CATSPERB: variants seen among roughly 807,000 people sequenced by gnomAD.
CATSPERB encodes cation channel sperm-associated auxiliary subunit beta.
A neutral mutation model predicts 128.3 loss-of-function variants in CATSPERB; 93 were observed. The observed-to-expected ratio is 0.72, with a 90% CI of 0.61 to 0.86. The LOEUF (loss-of-function observed/expected upper bound fraction) is 0.86. Ranked by LOEUF, CATSPERB falls within the 40% of genes least tolerant of loss-of-function variation. The probability of loss-of-function intolerance (pLI) is 0.00; values close to 1 mark genes in which losing one functional copy is unlikely to be tolerated. For synonymous variants in CATSPERB, 381 were observed against 448.8 expected, an observed-to-expected ratio of 0.85 and a Z score of 1.91; for missense variants, 1,153 against 1,329.5, an observed-to-expected ratio of 0.87 and a Z score of 2.06.
chr14:91,586,703 A>C (rs936004753), intron 26 of CATSPERB, among the ~76,000 whole-genome samples: 7 of 152,228 alleles, frequency 4.6e-5, no homozygotes, highest in African/African-American at 1.7e-4. Flanking sequence ...TATATGAATA[A>C]GCAAAAATGA....
Position 91,626,359 on chromosome 14 carries a change from C to CTTTTT in CATSPERB, c.1743-1357_1743-1353dup, listed in dbSNP as rs71120179. Among the ~76,000 whole-genome samples, 32 of 76,862 alleles carry CTTTTT rather than the reference C, an allele frequency of 4.2e-4. 1 individual carries two copies. The highest frequency in any genetic ancestry group is 1.4e-3 in the East Asian group (3 of 2,124). The allele number at this position is 76,862 out of a possible 152,430, so 50.4% of individuals were successfully genotyped here. A position where few individuals can be genotyped will look rare whatever the true frequency, so the allele number is the denominator to read the frequency against. ...AATGCAAGAGTGTTGAGAGGTGGGA[C>CTTTTT]TTTTTTTTTTTTTTTTTTTTTTTTG... On this transcript the variant is annotated intron_variant, in intron 17 of 26. Transcript: ENST00000256343.
chr14:91,653,018 G>A (rs1296523281), intron 15 of CATSPERB, among the ~76,000 whole-genome samples: 2 of 152,154 alleles, frequency 1.3e-5, no homozygotes, highest in South Asian at 2.1e-4. Flanking sequence ...AACAAGGAAG[G>A]ACCAATAGAG....
intron 9 of CATSPERB, among the ~76,000 whole-genome samples, chr14:91,692,597 C>T (rs1895491333): frequency 6.6e-6 from 1 of 152,074 alleles, no homozygotes; most frequent in South Asian, 2.1e-4. Context: ...TCTTTACTTC[C>T]CTCTATCTTT....
At chr14:91,611,649 A>G (rs1422080109) in intron 20 of CATSPERB, among the ~76,000 whole-genome samples, 1 of 152,024 alleles carries the variant, frequency 6.6e-6, no homozygotes, top group Non-Finnish European at 1.5e-5. Flanking sequence ...CAAAAACAAA[A>G]CCAAAAACAA....
At chr14:91,711,321 T>G (rs951992563) in intron 5 of CATSPERB, among the ~76,000 whole-genome samples, 14 of 152,138 alleles carry the variant, frequency 9.2e-5, no homozygotes, top group Non-Finnish European at 2.1e-4. Context: ...ACCCCCACTT[T>G]CTGGGTTCAA....
intron 23 of CATSPERB, 47 bp downstream of exon 23, chr14:91,591,845 G>A (rs750065675): frequency 1.6e-6 from 2 of 1,283,924 alleles, no homozygotes; most frequent in Non-Finnish European, 1.1e-6. Context: ...TCAAAATCTT[G>A]TTAATAAGAA....
intron 22 of CATSPERB, among the ~76,000 whole-genome samples, chr14:91,607,945 T>C (rs1566701506): frequency 6.6e-6 from 1 of 152,140 alleles, no homozygotes; most frequent in Non-Finnish European, 1.5e-5. Context: ...TGTGCCTGCA[T>C]TGGAGCAGGC....
chr14:91,694,255 G>A (rs1895519815), intron 7 of CATSPERB, among the ~76,000 whole-genome samples: 1 of 151,656 alleles, frequency 6.6e-6, no homozygotes, highest in African/African-American at 2.4e-5. Context: ...GACCAGCCTG[G>A]GCAACATGGT....
chr14:91,588,153 C>A (rs543200441), intron 24 of CATSPERB, 75 bp from the exon 25 acceptor site: 1 of 857,882 alleles, frequency 1.2e-6, no homozygotes, highest in East Asian at 2.7e-5. Context: ...AAAGTAATTG[C>A]TGTTTTTGCC....
chr14:91,715,142 T>G (rs1056137972), intron 5 of CATSPERB: 1 of 152,158 alleles, frequency 6.6e-6, no homozygotes, highest in African/African-American at 2.4e-5. Context: ...GTATACTTTT[T>G]TTTTTATGTG....
intron 11 of CATSPERB, among the ~76,000 whole-genome samples, 199 bp from the exon 12 acceptor site, chr14:91,674,421 T>G (rs2139833195): frequency 6.6e-6 from 1 of 152,328 alleles, no homozygotes. Context: ...CTTATCCCTA[T>G]TTCAAGTGTA....
At chr14:91,665,809 G>A (rs559306643) in intron 14 of CATSPERB, among the ~76,000 whole-genome samples, 5 of 152,064 alleles carry the variant, frequency 3.3e-5, no homozygotes, top group East Asian at 3.9e-4. Context: ...GGTGGTGGTC[G>A]CAGTGAGCCT....
intron 15 of CATSPERB, among the ~76,000 whole-genome samples, chr14:91,659,055 G>A (rs1894833238): frequency 6.6e-6 from 1 of 151,992 alleles, no homozygotes; most frequent in East Asian, 1.9e-4. Context: ...ATTTGCTAAA[G>A]GGTTCAAAAT....
At chr14:91,717,958 AG>A (rs1438446842) in intron 5 of CATSPERB, among the ~76,000 whole-genome samples, 3 of 152,208 alleles carry the variant, frequency 2.0e-5, no homozygotes, top group Non-Finnish European at 2.9e-5. Context: ...CAGGAGAGGA[AG>A]AGCTAATTTG....
chr14:91,590,801 C>A (rs1022658157), intron 23 of CATSPERB, among the ~76,000 whole-genome samples: 2 of 151,916 alleles, frequency 1.3e-5, no homozygotes, highest in Non-Finnish European at 2.9e-5. Flanking sequence ...CAGGCGCCCA[C>A]CACCACGCCC....
At position 91,705,458 on chromosome 14, in the gene CATSPERB, A is replaced by C. The variant is rs532493954; in HGVS notation, c.467-757T>G. 7.9e-5 allele frequency among the ~76,000 whole-genome samples: 12 copies of C among 152,292 alleles called. No individual in the cohort carries two copies. The East Asian group carries it at 2.3e-3, about 29-fold the overall frequency. On this transcript the variant is annotated intron_variant, in intron 6 of 26. Coordinates refer to ENST00000256343, the MANE Select transcript of CATSPERB (RefSeq NM_024764.4). ...GGGAATGAGATGCAGAAGAGAAAGC[A>C]ATCAGAGGTGAAGCATCTCCAATGC...
At chr14:91,650,586 G>C (rs137915556) in intron 15 of CATSPERB, among the ~76,000 whole-genome samples, 1 of 152,078 alleles carries the variant, frequency 6.6e-6, no homozygotes, top group African/African-American at 2.4e-5. Flanking sequence ...TTCCCATTTC[G>C]AAGAGTGTTT....
rs1288560788 is a variant in CATSPERB, at chr14:91,704,630, C to T, written c.538G>A (p.Val180Ile). The T allele has an allele frequency of 1.9e-6, 3 of 1,612,468 alleles. No individual in the cohort carries two copies. Among genetic ancestry groups the T allele is most frequent in the East Asian group, 2.2e-5 (1 of 44,672 alleles). The part of the protein sequence containing the change: ...SEISKLYPHV[V>I]DLKVTKCPCA... ...GGGCATTTTGTCACTTTGAGATCTA[C>T]CACATGTGGATATAATTTACTGATT... The change falls in exon 7 of 27, where the codon GTA becomes ATA. Residue 180 changes from valine (V) to isoleucine (I), a missense_variant. Physicochemically the swap from Val to Ile is conservative, Grantham distance 29. Coordinates refer to ENST00000256343, the MANE Select transcript of CATSPERB (RefSeq NM_024764.4).
chr14:91,591,771 C>T, intron 23 of CATSPERB, 121 bp downstream of exon 23: 1 of 696,960 alleles, frequency 1.4e-6, no homozygotes, highest in Non-Finnish European at 2.5e-6. Context: ...TCATATTTAG[C>T]TCTGCATCAT....
Sources: gnomAD v4.1 joint callset for allele counts (sites outside exome capture counted in the v4.1 genomes callset) on GRCh38, gnomAD v4.1.1 for gene constraint, MANE v1.5 for transcripts, NCBI Gene and HGNC (gene_info 2026-07-23, HGNC 2026-07-21) for gene names.